The following TBC1D22A variants were observed in gnomAD, a reference collection of about 807,000 sequenced individuals.
The protein encoded by TBC1D22A is TBC1 domain family member 22A.
Under a neutral mutation model 60.2 loss-of-function variants are expected in TBC1D22A, and 38 were observed. That is an observed-to-expected ratio of 0.63 (90% confidence interval 0.49 to 0.83). The LOEUF is 0.83. Ranked by LOEUF, TBC1D22A falls within the 40% of genes least tolerant of loss-of-function variation. The pLI is 0.00. For missense variants in TBC1D22A, 628 were observed against 701.0 expected (o/e 0.90, Z 1.18); for synonymous variants, 302 against 281.7 (o/e 1.07, Z -0.72).
chr22:47,169,851 T>A (rs1353040249), intron 12 of TBC1D22A, among the ~76,000 whole-genome samples: 1 of 152,248 alleles, frequency 6.6e-6, no homozygotes, highest in African/African-American at 2.4e-5. Context: ...AAAATGCAAG[T>A]GCCGTCTATA....
intron 4 of TBC1D22A, among the ~76,000 whole-genome samples, chr22:46,873,268 C>T (rs1156945646): frequency 6.6e-6 from 1 of 152,080 alleles, no homozygotes; most frequent in Non-Finnish European, 1.5e-5. Flanking sequence ...AGAGAGATGG[C>T]CAGTAAACAC....
chr22:47,162,747 AGGGAGAGTCG>A (rs2068042319), intron 12 of TBC1D22A, among the ~76,000 whole-genome samples: 1 of 131,616 alleles, frequency 7.6e-6, no homozygotes, highest in African/African-American at 3.5e-5. Context: ...GACCCGGTGC[AGGGAGAGTCG>A]GGGGAGTGGG....
rs556878210 is a variant in TBC1D22A at position 47,111,489 on chromosome 22, G to A, written c.1330-19G>A. The A allele has an allele frequency of 1.2e-6, 2 of 1,608,668 alleles. No individual in the cohort carries two copies. The highest frequency in any genetic ancestry group is 1.7e-5 in the Admixed American group (1 of 58,980). ...GTCACGCGTTACAATTTCTCTCTTG[G>A]TTATTTTTTCTCTTTTAGTCTGAAC... On this transcript the variant is annotated intron_variant, in intron 11 of 12. Coordinates refer to ENST00000337137, the MANE Select transcript of TBC1D22A (RefSeq NM_014346.5).
In TBC1D22A at chr22:46,939,778, G is replaced by T. The variant is rs115259386; in HGVS notation, c.1015+27590G>T. Among the ~76,000 whole-genome samples, 248 of 152,336 alleles carry T rather than the reference G, an allele frequency of 1.6e-3. 1 individual carries two copies. Among genetic ancestry groups the T allele is most frequent in the African/African-American group, 5.8e-3 (241 of 41,578 alleles). On this transcript the variant is annotated intron_variant, in intron 8 of 12. Transcript: ENST00000337137. Reference sequence around the variant, plus strand: ...AGTAACGAGGAGCTAAAACCGATTAGAGATGCATTTGACATTTAGAATCAC... The same window carrying T: ...AGTAACGAGGAGCTAAAACCGATTATAGATGCATTTGACATTTAGAATCAC...
At chr22:46,915,385 TCC>T (rs763425046) in intron 8 of TBC1D22A, 16 of 456,524 alleles carry the variant, frequency 3.5e-5, no homozygotes, top group Admixed American at 7.0e-5. Flanking sequence ...GATTGACTGT[TCC>T]TTCAGAGAAC....
chr22:47,021,788 A>G (rs1024641410), intron 10 of TBC1D22A, among the ~76,000 whole-genome samples: 35 of 152,224 alleles, frequency 2.3e-4, no homozygotes, highest in African/African-American at 7.0e-4. Context: ...CAAAGGACAA[A>G]TAATCCCACA....
chr22:46,907,594 C>T (rs867079047), intron 7 of TBC1D22A, among the ~76,000 whole-genome samples: 31 of 152,168 alleles, frequency 2.0e-4, no homozygotes, highest in African/African-American at 6.5e-4. Flanking sequence ...TCGCCTCCAC[C>T]GTCCTCGCCT....
chr22:47,046,066 CCTCATATGGA>C (rs922026533), intron 11 of TBC1D22A, among the ~76,000 whole-genome samples: 3 of 152,128 alleles, frequency 2.0e-5, no homozygotes, highest in Non-Finnish European at 4.4e-5. Flanking sequence ...GTCCAGGGTC[CCTCATATGGA>C]CTCGCTGATG....
intron 11 of TBC1D22A, among the ~76,000 whole-genome samples, chr22:47,088,231 G>A (rs1048037406): frequency 1.3e-5 from 2 of 152,066 alleles, no homozygotes; most frequent in South Asian, 2.1e-4. Flanking sequence ...AGCACCCTGC[G>A]GAGTCCTTAA....
chr22:47,036,830 G>A (rs908311584), intron 10 of TBC1D22A, among the ~76,000 whole-genome samples: 2 of 152,212 alleles, frequency 1.3e-5, no homozygotes, highest in Admixed American at 1.3e-4. Flanking sequence ...ACCCGAACAT[G>A]TCCATGATTA....
At chr22:46,866,878 G>A (rs2067081013) in intron 4 of TBC1D22A, among the ~76,000 whole-genome samples, 1 of 152,248 alleles carries the variant, frequency 6.6e-6, no homozygotes, top group Non-Finnish European at 1.5e-5. Context: ...TTTTCAAGGA[G>A]TGGATTTCTT....
intron 8 of TBC1D22A, among the ~76,000 whole-genome samples, chr22:46,922,262 G>T (rs2070801732): frequency 6.6e-6 from 1 of 152,064 alleles, no homozygotes; most frequent in Non-Finnish European, 1.5e-5. Flanking sequence ...TTTTGTTATT[G>T]TGCCATGTTA....
At chr22:46,824,310 G>A (rs1317510079) in intron 4 of TBC1D22A, among the ~76,000 whole-genome samples, 2 of 152,126 alleles carry the variant, frequency 1.3e-5, no homozygotes, top group African/African-American at 4.8e-5. Context: ...CATTCTGATG[G>A]GGTGACAGTG....
In TBC1D22A at chr22:46,869,023, C is replaced by T. The variant is rs112703625; in HGVS notation, c.638-9630C>T. 3.0e-4 allele frequency among the ~76,000 whole-genome samples: 46 copies of T among 152,330 alleles called. 1 individual carries two copies. Among genetic ancestry groups the T allele is most frequent in the African/African-American group, 1.0e-3 (42 of 41,576 alleles). On this transcript the variant is annotated intron_variant, in intron 4 of 12. Coordinates refer to ENST00000337137, the MANE Select transcript of TBC1D22A (RefSeq NM_014346.5). ...TCAGTTGGCCGCTCCGTGTTGGCGT[C>T]CCCTTGTCAGGCTGTTATCTGCGCC...
At chr22:47,015,837 A>G (rs904830223) in intron 10 of TBC1D22A, among the ~76,000 whole-genome samples, 2 of 152,264 alleles carry the variant, frequency 1.3e-5, no homozygotes, top group African/African-American at 2.4e-5. Flanking sequence ...ACGCTGCCCT[A>G]TGTAGCCTGG....
At chr22:46,929,249 C>T (rs912264633) in intron 8 of TBC1D22A, among the ~76,000 whole-genome samples, 1 of 152,268 alleles carries the variant, frequency 6.6e-6, no homozygotes, top group East Asian at 1.9e-4. Flanking sequence ...ATAAACAAAT[C>T]CTTGATTGTG....
chr22:46,768,857 G>A (rs892245553), intron 1 of TBC1D22A, among the ~76,000 whole-genome samples: 3 of 152,016 alleles, frequency 2.0e-5, no homozygotes, highest in Non-Finnish European at 4.4e-5. Context: ...ACTTTGGGGG[G>A]CCCAGGCGGG....
At chr22:47,047,583 G>A (rs1464037249) in intron 11 of TBC1D22A, among the ~76,000 whole-genome samples, 1 of 152,240 alleles carries the variant, frequency 6.6e-6, no homozygotes, top group Non-Finnish European at 1.5e-5. Context: ...AGCACCGGCT[G>A]CCCCAACCCT....
chr22:47,081,184 G>T (rs930702930), intron 11 of TBC1D22A, among the ~76,000 whole-genome samples: 1 of 151,334 alleles, frequency 6.6e-6, no homozygotes, highest in African/African-American at 2.4e-5. Context: ...GGCTTGCAAG[G>T]TTGCTTTACC....
Sources: gnomAD v4.1 joint callset for allele counts (sites outside exome capture counted in the v4.1 genomes callset) on GRCh38, gnomAD v4.1.1 for gene constraint, MANE v1.5 for transcripts, NCBI Gene and HGNC (gene_info 2026-07-23, HGNC 2026-07-21) for gene names.